ASTN2: variants seen among roughly 807,000 people sequenced by gnomAD.
ASTN2 encodes astrotactin-2.
A neutral mutation model predicts 139.8 loss-of-function variants in ASTN2; 54 were observed. That is an observed-to-expected ratio of 0.39 (90% CI 0.31 to 0.48). ASTN2 has a LOEUF of 0.48. Among genes scored for constraint, ASTN2 ranks in the 20% least tolerant of loss-of-function variants. The pLI is 0.95. For missense variants in ASTN2, 1,565 were observed against 1,725.1 expected, an observed-to-expected ratio of 0.91 and a Z score of 1.64; for synonymous variants, 756 against 719.5, an observed-to-expected ratio of 1.05 and a Z score of -0.81.
intron 6 of ASTN2, among the ~76,000 whole-genome samples, chr9:117,036,866 G>A (rs916924292): frequency 1.3e-5 from 2 of 152,104 alleles, no homozygotes; most frequent in Admixed American, 6.6e-5. Flanking sequence ...AAAACTGCTT[G>A]TTTCACAACA....
At chr9:117,363,800 A>G (rs1044251905) in intron 1 of ASTN2, among the ~76,000 whole-genome samples, 1 of 152,012 alleles carries the variant, frequency 6.6e-6, no homozygotes, top group African/African-American at 2.4e-5. Context: ...GGCATTAAAG[A>G]CCTCGTATCA....
intron 5 of ASTN2, among the ~76,000 whole-genome samples, chr9:117,063,334 C>T (rs1420264310): frequency 6.6e-6 from 1 of 152,132 alleles, no homozygotes; most frequent in Middle Eastern, 3.2e-3. Context: ...TCCCATAATT[C>T]CCATGTATTA....
chr9:117,384,183 T>C (rs7868942), intron 1 of ASTN2, among the ~76,000 whole-genome samples: 1 of 152,000 alleles, frequency 6.6e-6, no homozygotes, highest in Non-Finnish European at 1.5e-5. Flanking sequence ...GCAGGCAGTG[T>C]GGCCATATAG....
At chr9:116,960,057 T>C (rs1180603513) in intron 10 of ASTN2, among the ~76,000 whole-genome samples, 1 of 152,148 alleles carries the variant, frequency 6.6e-6, no homozygotes, top group Non-Finnish European at 1.5e-5. Flanking sequence ...TTGTAAACTT[T>C]TTTTTAATGT....
At chr9:117,241,932 C>CACA (rs1345378127) in intron 2 of ASTN2, among the ~76,000 whole-genome samples, 1 of 147,768 alleles carries the variant, frequency 6.8e-6, no homozygotes, top group African/African-American at 2.5e-5. Flanking sequence ...TTACCCCCCC[C>CACA]CACACACACA....
intron 17 of ASTN2, among the ~76,000 whole-genome samples, chr9:116,628,843 A>G (rs1026910571): frequency 2.0e-5 from 3 of 152,272 alleles, no homozygotes; most frequent in South Asian, 4.1e-4. Context: ...GTATATGGGA[A>G]TTCTCTGCTC....
chr9:117,196,885 G>C (rs1453512373), intron 3 of ASTN2, among the ~76,000 whole-genome samples: 1 of 115,732 alleles, frequency 8.6e-6, no homozygotes, highest in Admixed American at 8.6e-5. Flanking sequence ...GTGTAGATCT[G>C]TGTAGAAAAG....
intron 12 of ASTN2, among the ~76,000 whole-genome samples, chr9:116,810,447 A>G (rs1831134496): frequency 6.6e-6 from 1 of 152,198 alleles, no homozygotes. Context: ...TTGCTTATCT[A>G]TAAAGAAGAT....
chr9:116,777,886 A>G (rs1355703318), intron 13 of ASTN2, among the ~76,000 whole-genome samples: 3 of 123,846 alleles, frequency 2.4e-5, no homozygotes, highest in Admixed American at 1.7e-4. Context: ...GTCTGTTGTC[A>G]GGCTGGAGTA....
At chr9:116,912,599 T>G (rs1003326595) in intron 10 of ASTN2, among the ~76,000 whole-genome samples, 2 of 152,242 alleles carry the variant, frequency 1.3e-5, no homozygotes, top group Non-Finnish European at 2.9e-5. Flanking sequence ...CCCCCTGAAG[T>G]GTATTTCATC....
intron 1 of ASTN2, among the ~76,000 whole-genome samples, chr9:117,366,331 G>C (rs370556577): frequency 1.1e-4 from 17 of 152,050 alleles, no homozygotes; most frequent in East Asian, 9.6e-4. Flanking sequence ...ACTTTCCAAT[G>C]TACAGATCCC....
intron 11 of ASTN2, among the ~76,000 whole-genome samples, chr9:116,845,565 C>A (rs1832404153): frequency 6.6e-6 from 1 of 152,066 alleles, no homozygotes; most frequent in Admixed American, 6.6e-5. Context: ...AAAACATGGG[C>A]AAAAGACTTG....
chr9:116,656,082 T>G (rs1230094081), intron 16 of ASTN2, among the ~76,000 whole-genome samples: 1 of 152,160 alleles, frequency 6.6e-6, no homozygotes, highest in Admixed American at 6.6e-5. Flanking sequence ...GTATCATCTA[T>G]TAATGTCTCG....
intron 1 of ASTN2, among the ~76,000 whole-genome samples, chr9:117,394,946 A>G (rs1251402634): frequency 6.6e-6 from 1 of 152,158 alleles, no homozygotes; most frequent in African/African-American, 2.4e-5. Flanking sequence ...AGCAGTAGAA[A>G]CTGCCAAGAG....
intron 12 of ASTN2, among the ~76,000 whole-genome samples, chr9:116,814,478 C>A (rs1014071564): frequency 6.6e-6 from 1 of 151,720 alleles, no homozygotes; most frequent in African/African-American, 2.4e-5. Context: ...AATTATATAG[C>A]AGATTTTATC....
chr9:116,953,349 G>A (rs997123963), intron 10 of ASTN2, among the ~76,000 whole-genome samples: 21 of 152,128 alleles, frequency 1.4e-4, no homozygotes, highest in Admixed American at 5.9e-4. Context: ...TTTTCCCACT[G>A]CAAATTGTTT....
intron 10 of ASTN2, among the ~76,000 whole-genome samples, chr9:116,868,184 T>C (rs1833066958): frequency 6.6e-6 from 1 of 152,216 alleles, no homozygotes. Context: ...GCACCTGCTA[T>C]GTGTTAAGCA....
chr9:116,799,119 G>C (rs1248001424), intron 13 of ASTN2, among the ~76,000 whole-genome samples: 1 of 149,472 alleles, frequency 6.7e-6, no homozygotes, highest in African/African-American at 2.4e-5. Flanking sequence ...GGGAAAGAAG[G>C]TTTCAGAAGC....
intron 1 of ASTN2, among the ~76,000 whole-genome samples, chr9:117,304,954 T>C (rs1834963635): frequency 6.6e-6 from 1 of 152,082 alleles, no homozygotes; most frequent in Non-Finnish European, 1.5e-5. Flanking sequence ...ATGGCTAAGG[T>C]TATTTAATGT....
Sources: allele counts gnomAD v4.1 joint callset (sites outside exome capture counted in the v4.1 genomes callset), GRCh38; gene constraint gnomAD v4.1.1; transcripts MANE v1.5; gene names NCBI Gene and HGNC (gene_info 2026-07-23, HGNC 2026-07-21).